The following CSDE1 variants were observed in gnomAD, a reference collection of about 807,000 sequenced individuals.
CSDE1 encodes the protein cold shock domain-containing protein E1.
CSDE1 carries 17 observed loss-of-function variants against 89.3 expected under a neutral mutation model. That is an observed-to-expected ratio of 0.19 (90% CI 0.13 to 0.29). The LOEUF (loss-of-function observed/expected upper bound fraction) is 0.29, where lower values mean the gene tolerates loss of function less well. CSDE1 is among the 10% of genes least tolerant of loss of function. CSDE1 has a pLI of 1.00. For synonymous variants in CSDE1, 322 were observed against 332.8 expected (o/e 0.97, Z 0.35); for missense variants, 672 against 984.2 (o/e 0.68, Z 4.24).
chr1:114,726,501 TGTTA>T (rs1461198380), intron 13 of CSDE1, 115 bp from the exon 14 acceptor site: 4 of 750,174 alleles, frequency 5.3e-6, no homozygotes, highest in Non-Finnish European at 8.1e-6. Flanking sequence ...AAATATCCTT[TGTTA>T]TTACTTCAAT....
chr1:114,732,503 G>A, intron 10 of CSDE1, 101 bp downstream of exon 10: 1 of 1,039,338 alleles, frequency 9.6e-7, no homozygotes, highest in Non-Finnish European at 1.4e-6. Context: ...TGCCCATTAG[G>A]GTCATTTAAC....
chr1:114,717,273 T>TA lies in CSDE1; in HGVS notation c.*895dup, dbSNP rs61764384. The TA allele has an allele frequency of 0.023, 3,432 of 150,616 alleles. 72 individuals carry two copies. Among genetic ancestry groups the TA allele is most frequent in the East Asian group, 0.079 (406 of 5,144 alleles). The allele number at this position is 150,616 out of a possible 1,614,324, so 9.3% of individuals were successfully genotyped here. On this transcript the variant is annotated 3_prime_UTR_variant, in exon 20 of 20. Coordinates refer to ENST00000358528, the MANE Select transcript of CSDE1 (RefSeq NM_001007553.3). ...GACACAGTAACCAGGCGGCTACTTA[T>TA]AAAAAAAAACAAGATTCATTTCAGG...
At position 114,737,513 on chromosome 1, in the gene CSDE1, C is replaced by T. The variant is rs1278896427; in HGVS notation, c.360G>A (p.Pro120=). ...ATACACTCCCTGTTGGACTCTGACCCGGGGCAGCTGGAGATTTACTCTCTA... is the reference window on the plus strand; with the variant it reads ...ATACACTCCCTGTTGGACTCTGACCTGGGGCAGCTGGAGATTTACTCTCTA... ...HNLESKSPAA[P]GQSPTGSVCY... The change falls in exon 5 of 20, where the codon CCG becomes CCA. Residue 120 remains proline (P), a synonymous_variant. Transcript: ENST00000358528. The T allele has an allele frequency of 5.6e-6, 9 of 1,613,780 alleles. No individual in the cohort carries two copies. The highest frequency in any genetic ancestry group is 1.3e-5 in the African/African-American group (1 of 74,826).
chr1:114,750,408 C>G, intron 1 of CSDE1, among the ~76,000 whole-genome samples: 1 of 152,110 alleles, frequency 6.6e-6, no homozygotes, highest in African/African-American at 2.4e-5. Context: ...GTATCTCATA[C>G]CCAAGACCTC....
chr1:114,732,699 T>G lies in CSDE1; in HGVS notation c.955A>C (p.Asn319His). The change falls in exon 10 of 20, where the codon AAT becomes CAT. Residue 319 changes from asparagine to histidine, a missense_variant. Physicochemically the swap from Asn to His is moderately conservative, Grantham distance 68. Around this residue, in one of 8 missense-constraint regions of CSDE1, gnomAD observed 169 missense variants for 262.9 expected, o/e 0.64. Coordinates refer to ENST00000358528, the MANE Select transcript of CSDE1 (RefSeq NM_001007553.3). ...TTGTCACGTCGGTCTGTTGAAATAT[T>G]AAACCTAACATGGTCACCTTCCAGC... ...TLLEGDHVRF[N>H]ISTDRRDKLE... The G allele has an allele frequency of 6.2e-7, 1 of 1,614,202 alleles. No homozygotes were observed.
chr1:114,742,260 A>G (rs1660769105), intron 2 of CSDE1, among the ~76,000 whole-genome samples: 1 of 152,190 alleles, frequency 6.6e-6, no homozygotes, highest in South Asian at 2.1e-4. Context: ...AGATATATAA[A>G]TTTAGTTATC....
intron 2 of CSDE1, among the ~76,000 whole-genome samples, chr1:114,742,147 TATTACTCAGGTATTCTGAGGAA>T: frequency 6.6e-6 from 1 of 152,354 alleles, no homozygotes; most frequent in South Asian, 2.1e-4. Flanking sequence ...GAGTATCATG[TATTACTCAGGTATTCTGAGGAA>T]AGAGTGGAGA....
chr1:114,739,722 T>C lies in CSDE1; in HGVS notation c.169A>G (p.Asn57Asp). 6.2e-7 allele frequency: 1 copy of C among 1,613,844 alleles called. No homozygotes were observed. The change falls in exon 3 of 20, where the codon AAT (asparagine) becomes GAT (aspartate). Residue 57 changes from asparagine to aspartate, a missense_variant. Physicochemically the swap from Asn to Asp is conservative, Grantham distance 23. This residue lies in a region of CSDE1 where 34 missense variants were observed against 73.3 expected (regional missense o/e 0.46). Transcript: ENST00000358528. ...ARLFFHCSQY[N>D]GNLQDLKVGD... ...ACTTTTAAGTCTTGCAGGTTGCCAT[T>C]ATACTGTGAACAGTGGAAGAAAAGT...
At chr1:114,732,481 TAAC>T in intron 10 of CSDE1, 120 bp downstream of exon 10, 1 of 813,594 alleles carries the variant, frequency 1.2e-6, no homozygotes, top group East Asian at 2.6e-5. Flanking sequence ...TTAATCACCT[TAAC>T]AAGGTAAATG....
chr1:114,733,884 G>C, intron 8 of CSDE1, 27 bp from the exon 9 acceptor site: 1 of 1,611,448 alleles, frequency 6.2e-7, no homozygotes. Flanking sequence ...TGGAGGTGGT[G>C]GGGGGACAGA....
chr1:114,726,498 CTT>C, intron 13 of CSDE1, 112 bp from the exon 14 acceptor site: 1 of 781,092 alleles, frequency 1.3e-6, no homozygotes, highest in East Asian at 2.9e-5. Context: ...TCCAAATATC[CTT>C]TGTTATTACT....
chr1:114,745,411 C>T (rs1284228516), intron 2 of CSDE1, among the ~76,000 whole-genome samples: 1 of 152,068 alleles, frequency 6.6e-6, no homozygotes, highest in Non-Finnish European at 1.5e-5. Context: ...AATGCTTATT[C>T]TGTAATAGGA....
rs752994201 is a variant in CSDE1 at position 114,734,527 on chromosome 1, GA to G, written c.501-5del. The G allele has an allele frequency of 1.2e-5, 20 of 1,603,298 alleles. No individual in the cohort carries two copies. The highest frequency in any genetic ancestry group is 6.7e-5 in the East Asian group (3 of 44,610). On this transcript the variant is annotated splice_polypyrimidine_tract_variant and splice_region_variant and intron_variant, in intron 6 of 19. Transcript: ENST00000358528. ...GCGAGCACTTACAGCACCAGTACTAGAAAAAAAATAATTGCAGGGAGGAGGA... is the reference window on the plus strand; with the variant it reads ...GCGAGCACTTACAGCACCAGTACTAGAAAAAAATAATTGCAGGGAGGAGGA...
chr1:114,717,552 T>C lies in CSDE1; in HGVS notation c.*617A>G, dbSNP rs1434635332. The C allele has an allele frequency of 6.6e-6, 1 of 152,616 alleles. No homozygotes were observed. Among genetic ancestry groups the C allele is most frequent in the Non-Finnish European group, 1.5e-5 (1 of 68,032 alleles). 9.5% of individuals were successfully genotyped at this position (152,616 alleles called of 1,614,324 possible). A position where few individuals can be genotyped will look rare whatever the true frequency, so the allele number is the denominator to read the frequency against. On this transcript the variant is annotated 3_prime_UTR_variant, in exon 20 of 20. Coordinates refer to ENST00000358528, the MANE Select transcript of CSDE1 (RefSeq NM_001007553.3). Reference sequence around the variant, plus strand: ...CTGGAAGAAAATTTTCACTGAAATATAACCAAACTTCTTTAAGTGGATTGT... The same window carrying C: ...CTGGAAGAAAATTTTCACTGAAATACAACCAAACTTCTTTAAGTGGATTGT...
At chr1:114,726,921 G>T in intron 13 of CSDE1, 62 bp downstream of exon 13, 1 of 1,116,748 alleles carries the variant, frequency 9.0e-7, no homozygotes, top group Non-Finnish European at 1.3e-6. Flanking sequence ...AACCCATCCT[G>T]CAGGATTTAT....
intron 12 of CSDE1, among the ~76,000 whole-genome samples, chr1:114,728,664 T>A (rs1283891966): frequency 6.6e-6 from 1 of 152,202 alleles, no homozygotes; most frequent in Middle Eastern, 3.4e-3. Flanking sequence ...CCAACTGAAG[T>A]GTATTTTTAT....
chr1:114,751,577 A>T (rs1661310832), intron 1 of CSDE1, among the ~76,000 whole-genome samples: 1 of 152,194 alleles, frequency 6.6e-6, no homozygotes, highest in Non-Finnish European at 1.5e-5. Flanking sequence ...ATGTTCCTTC[A>T]AATATCAAAT....
intron 3 of CSDE1, 116 bp from the exon 4 acceptor site, chr1:114,738,188 G>A (rs2101052579): frequency 1.3e-6 from 1 of 765,546 alleles, no homozygotes; most frequent in Non-Finnish European, 2.3e-6. Flanking sequence ...TTTTCAAAGT[G>A]TGGTCCCTGG....
At chr1:114,723,187 C>G (rs757772475) in intron 16 of CSDE1, among the ~76,000 whole-genome samples, 1 of 152,128 alleles carries the variant, frequency 6.6e-6, no homozygotes, top group Non-Finnish European at 1.5e-5. Flanking sequence ...TTGGAATACT[C>G]AAGCCCTCTC....
Sources: gnomAD v4.1 joint callset for allele counts (sites outside exome capture counted in the v4.1 genomes callset) on GRCh38, gnomAD v4.1.1 for gene constraint, gnomAD v4.1.1 regional missense constraint, MANE v1.5 for transcripts, NCBI Gene and HGNC (gene_info 2026-07-23, HGNC 2026-07-21) for gene names.